Variants in AKR1C1 observed in about 807,000 individuals in gnomAD.
AKR1C1 encodes the protein aldo-keto reductase family 1 member C1, also known as 20 alpha-hydroxysteroid dehydrogenase.
AKR1C1 carries 32 observed loss-of-function variants against 40.6 expected under a neutral mutation model. That is an observed-to-expected ratio of 0.79 (90% CI 0.60 to 1.06). The LOEUF (loss-of-function observed/expected upper bound fraction) is 1.06. AKR1C1 is among the 50% of genes least tolerant of loss of function. The pLI is 0.00. For synonymous variants in AKR1C1, 105 were observed against 134.2 expected (o/e 0.78, Z 1.50); for missense variants, 320 against 363.5 (o/e 0.88, Z 0.97).
intron 5 of AKR1C1, among the ~76,000 whole-genome samples, chr10:4,971,524 A>ATAT (rs370996794): frequency 0.044 from 2,530 of 58,058 alleles, 26 homozygotes; most frequent in Admixed American, 0.062. Flanking sequence ...TATATATATA[A>ATAT]AATATATATG....
At position 4,982,483 on chromosome 10, in the gene AKR1C1, T is replaced by G. The variant is rs1333126571; in HGVS notation, c.*4741T>G. Reference sequence around the variant, plus strand: ...TGCAGCAGAGGCAATTAAACTCTCCTCTGGAACATTACCCCAGCAGCCTGA... The same window carrying G: ...TGCAGCAGAGGCAATTAAACTCTCCGCTGGAACATTACCCCAGCAGCCTGA... On this transcript the variant is annotated 3_prime_UTR_variant, in exon 9 of 9. Transcript: ENST00000380872. The G allele has an allele frequency of 6.3e-6, 1 of 157,634 alleles. No homozygotes were observed. 9.8% of individuals were successfully genotyped at this position (157,634 alleles called of 1,614,324 possible).
At position 4,963,503 on chromosome 10, in the gene AKR1C1, G is replaced by A. The variant is rs368611374; in HGVS notation, c.59G>A (p.Gly20Glu). 1.8e-5 allele frequency: 29 copies of A among 1,613,562 alleles called. No individual in the cohort carries two copies. In the Middle Eastern group the frequency reaches 1.2e-3, roughly 64 times the overall value. Residue 20 changes from glycine to glutamate, a missense_variant, in exon 1 of 9, where the codon GGA (glycine) becomes GAA (glutamate). Physicochemically the swap from Gly to Glu is moderately conservative, Grantham distance 98. Coordinates refer to ENST00000380872, the MANE Select transcript of AKR1C1 (RefSeq NM_001353.6). ...LNDGHFMPVL[G>E]FGTYAPAEVP... Reference sequence around the variant, plus strand: ...GATGGTCACTTCATGCCTGTCCTGGGATTTGGCACCTATGCGCCTGCAGAG... The same window carrying A: ...GATGGTCACTTCATGCCTGTCCTGGAATTTGGCACCTATGCGCCTGCAGAG...
At position 4,971,717 on chromosome 10, in the gene AKR1C1, T is replaced by C. The variant is rs549414295; in HGVS notation, c.571-484T>C. On this transcript the variant is annotated intron_variant, in intron 5 of 8. Coordinates refer to ENST00000380872, the MANE Select transcript of AKR1C1 (RefSeq NM_001353.6). ...GTGTGTATGTATATTTTCTAGTTCA[T>C]CTATATAGATATATATCATAGATGG... Among the ~76,000 whole-genome samples, 581 of 151,416 alleles carry C rather than the reference T, an allele frequency of 3.8e-3. 3 individuals carry two copies. The highest frequency in any genetic ancestry group is 0.014 in the African/African-American group (560 of 41,362).
rs1174800989 is a variant in AKR1C1 at position 4,978,713 on chromosome 10, G to A, written c.*971G>A. The A allele has an allele frequency of 6.6e-6, 1 of 152,174 alleles. No homozygotes were observed. Among genetic ancestry groups the A allele is most frequent in the Non-Finnish European group, 1.5e-5 (1 of 68,036 alleles). The allele number at this position is 152,174 out of a possible 1,614,324, so 9.4% of individuals were successfully genotyped here. The stretch of plus-strand genomic sequence containing the variant: ...AAATATAAAACAAAAATATCCCAAA[G>A]CCATTATGCATGGCACTCAAGATTA... On this transcript the variant is annotated 3_prime_UTR_variant, in exon 9 of 9. Coordinates refer to ENST00000380872, the MANE Select transcript of AKR1C1 (RefSeq NM_001353.6).
Position 4,977,773 on chromosome 10 carries a change from A to C in AKR1C1, c.*31A>C, listed in dbSNP as rs1554770651. 6.4e-7 allele frequency: 1 copy of C among 1,573,088 alleles called. No individual in the cohort carries two copies. Among genetic ancestry groups the C allele is most frequent in the Admixed American group, 1.7e-5 (1 of 58,976 alleles). On this transcript the variant is annotated 3_prime_UTR_variant, in exon 9 of 9. Transcript: ENST00000380872. ...AGGGCATTGCATGAGGTCTGCCAGA[A>C]GGCCCTGCGTGTGGATGGTGACACA...
In AKR1C1 at chr10:4,966,995, A is replaced by G. The variant is rs771465820; in HGVS notation, c.321A>G (p.Gln107=). 2 of 1,613,912 alleles carry G rather than the reference A, an allele frequency of 1.2e-6. No individual in the cohort carries two copies. Among genetic ancestry groups the G allele is most frequent in the South Asian group, 1.1e-5 (1 of 91,074 alleles). Residue 107 remains glutamine (Q), a synonymous_variant, in exon 3 of 9, where the codon CAA becomes CAG. Coordinates refer to ENST00000380872, the MANE Select transcript of AKR1C1 (RefSeq NM_001353.6). ...PALERSLKNL[Q]LDYVDLYLIH... ...TGGAAAGGTCACTGAAAAATCTTCA[A>G]TTGGATTATGTTGACCTCTACCTTA...
chr10:4,966,081 G>A lies in AKR1C1; in HGVS notation c.252G>A (p.Lys84=). 1 of 1,611,768 alleles carries A rather than the reference G, an allele frequency of 6.2e-7. No homozygotes were observed. Among genetic ancestry groups the A allele is most frequent in the Non-Finnish European group, 8.5e-7 (1 of 1,178,910 alleles). The change falls in exon 2 of 9, where the codon AAG becomes AAA. Residue 84 remains lysine (K), a splice_region_variant and synonymous_variant. Transcript: ENST00000380872. The part of the protein sequence containing the change: ...VKREDIFYTS[K]LWCNSHRPEL... ...GAGAAGACATATTCTACACTTCAAA[G>A]GTACTGTGCCTATGATGAGCTTGTG...
chr10:4,973,219 C>T (rs370260255), intron 7 of AKR1C1, among the ~76,000 whole-genome samples: 63 of 151,030 alleles, frequency 4.2e-4, no homozygotes, highest in African/African-American at 1.4e-3. Flanking sequence ...TGTAGGAGAC[C>T]ATATTTATAC....
chr10:4,970,705 C>T (rs1393802849), intron 5 of AKR1C1, among the ~76,000 whole-genome samples: 1 of 150,562 alleles, frequency 6.6e-6, no homozygotes, highest in African/African-American at 2.4e-5. Flanking sequence ...TAAACTATCG[C>T]AAGAACAAAA....
At chr10:4,967,200 A>C in intron 3 of AKR1C1, 157 bp downstream of exon 3, 1 of 986,104 alleles carries the variant, frequency 1.0e-6, no homozygotes. Context: ...TCTATGGGAT[A>C]CATTTTGAAT....
chr10:4,970,472 C>A (rs1554769721), intron 5 of AKR1C1, among the ~76,000 whole-genome samples: 2 of 152,046 alleles, frequency 1.3e-5, no homozygotes, highest in East Asian at 3.8e-4. Context: ...ATATTTTTAT[C>A]ATGCTGTGTT....
At position 4,979,783 on chromosome 10, in the gene AKR1C1, G is replaced by A. The variant is rs1220872150; in HGVS notation, c.*2041G>A. On this transcript the variant is annotated 3_prime_UTR_variant, in exon 9 of 9. Coordinates refer to ENST00000380872, the MANE Select transcript of AKR1C1 (RefSeq NM_001353.6). Reference sequence around the variant, plus strand: ...CAAACACCTGATTTCAGGAACACTTGAGATGTAAGAAAATTTTATAGGGAC... The same window carrying A: ...CAAACACCTGATTTCAGGAACACTTAAGATGTAAGAAAATTTTATAGGGAC... 6.6e-6 allele frequency: 1 copy of A among 151,582 alleles called. No individual in the cohort carries two copies. Among genetic ancestry groups the A allele is most frequent in the Non-Finnish European group, 1.5e-5 (1 of 67,938 alleles). The allele number at this position is 151,582 out of a possible 1,614,324, so 9.4% of individuals were successfully genotyped here.
At chr10:4,969,008 G>A (rs1836380640) in intron 5 of AKR1C1, 64 bp downstream of exon 5, 6 of 1,611,544 alleles carry the variant, frequency 3.7e-6, no homozygotes, top group East Asian at 2.2e-5. Flanking sequence ...CTATTGCCAA[G>A]TATCCATTCA....
intron 1 of AKR1C1, chr10:4,965,502 G>T (rs1005065876): frequency 6.5e-6 from 1 of 154,272 alleles, no homozygotes; most frequent in Non-Finnish European, 1.4e-5. Context: ...CTGATCTCAT[G>T]ATCCGCCCAG....
rs1293674604 is a variant in AKR1C1 at position 4,982,825 on chromosome 10, T to C, written c.*5083T>C. Reference sequence around the variant, plus strand: ...CCTCAAGGAAGAATAAATAGAACTGTTCCCAGGAAGGAGAAAATGCCTGCA... The same window carrying C: ...CCTCAAGGAAGAATAAATAGAACTGCTCCCAGGAAGGAGAAAATGCCTGCA... On this transcript the variant is annotated 3_prime_UTR_variant, in exon 9 of 9. Transcript: ENST00000380872. The C allele has an allele frequency of 2.7e-6, 1 of 375,078 alleles. No homozygotes were observed. Among genetic ancestry groups the C allele is most frequent in the Non-Finnish European group, 5.3e-6 (1 of 187,186 alleles). The allele number at this position is 375,078 out of a possible 1,614,324, so 23.2% of individuals were successfully genotyped here.
At chr10:4,971,504 A>T (rs1279829160) in intron 5 of AKR1C1, among the ~76,000 whole-genome samples, 9 of 114,566 alleles carry the variant, frequency 7.9e-5, no homozygotes, top group East Asian at 2.7e-4. Context: ...GCATATATAT[A>T]TTATATATAT....
chr10:4,972,269 G>T lies in AKR1C1; in HGVS notation c.639G>T (p.Leu213=), dbSNP rs1554769922. Residue 213 remains leucine, a synonymous_variant, in exon 6 of 9, where the codon CTG becomes CTT. Transcript: ENST00000380872. Reference sequence around the variant, plus strand: ...TCTGCAAGTCAAAAGACATTGTTCTGGTTGCCTATAGTGCTCTGGGATCCC... The same window carrying T: ...TCTGCAAGTCAAAAGACATTGTTCTTGTTGCCTATAGTGCTCTGGGATCCC... ...LDFCKSKDIV[L]VAYSALGSHR... 8 of 1,613,772 alleles carry T rather than the reference G, an allele frequency of 5.0e-6. No homozygotes were observed. The highest frequency in any genetic ancestry group is 1.7e-5 in the Admixed American group (1 of 59,974).
Position 4,966,961 on chromosome 10 carries a change from G to A in AKR1C1, c.287G>A (p.Arg96Gln), listed in dbSNP as rs767673386. 11 of 1,613,698 alleles carry A rather than the reference G, an allele frequency of 6.8e-6. No individual in the cohort carries two copies. Among genetic ancestry groups the A allele is most frequent in the African/African-American group, 2.7e-5 (2 of 75,014 alleles). The change falls in exon 3 of 9, where the codon CGA becomes CAA. Residue 96 changes from arginine (R) to glutamine (Q), a missense_variant. Transcript: ENST00000380872. ...AATTCCCATCGACCAGAGTTGGTCC[G>A]ACCAGCCTTGGAAAGGTCACTGAAA... The part of the protein sequence containing the change: ...WCNSHRPELV[R>Q]PALERSLKNL...
chr10:4,965,471 A>T (rs1836314871), intron 1 of AKR1C1: 1 of 152,538 alleles, frequency 6.6e-6, no homozygotes, highest in Non-Finnish European at 1.5e-5. Context: ...TGGAGTTGTT[A>T]ACCAGGATGG....
Sources: allele counts gnomAD v4.1 joint callset (sites outside exome capture counted in the v4.1 genomes callset), GRCh38; gene constraint gnomAD v4.1.1; transcripts MANE v1.5; gene names NCBI Gene and HGNC (gene_info 2026-07-23, HGNC 2026-07-21).